The following SGIP1 variants were observed in gnomAD, a reference collection of about 807,000 sequenced individuals.
SGIP1 encodes SH3GL interacting endocytic adaptor 1.
A neutral mutation model predicts 107.5 loss-of-function variants in SGIP1; 38 were observed. That is an observed-to-expected ratio of 0.35 (90% CI 0.27 to 0.46). The LOEUF (loss-of-function observed/expected upper bound fraction) is 0.46, where lower values mean the gene tolerates loss of function less well. SGIP1 is among the 20% of genes least tolerant of loss of function. SGIP1 has a pLI of 1.00. For synonymous variants in SGIP1, 365 were observed against 366.1 expected (o/e 1.00, Z 0.03); for missense variants, 929 against 1,019.5 (o/e 0.91, Z 1.21).
In SGIP1 at chr1:66,748,154, G is replaced by A. The variant is rs563084993; in HGVS notation, c.*5059G>A. 1.3e-5 allele frequency: 2 copies of A among 151,826 alleles called. No individual in the cohort carries two copies. Among genetic ancestry groups the A allele is most frequent in the South Asian group, 4.2e-4 (2 of 4,816 alleles). 9.4% of individuals were successfully genotyped at this position (151,826 alleles called of 1,614,324 possible). ...CTCCTTTAGGCTTTTTTTTCATGTG[G>A]AAAACAGTATCTAAATGCCATTCTC... is the stretch of plus-strand genomic sequence containing the variant. On this transcript the variant is annotated 3_prime_UTR_variant, in exon 25 of 25. Coordinates refer to ENST00000371037, the MANE Select transcript of SGIP1 (RefSeq NM_032291.4).
At chr1:66,655,140 G>A (rs908147850) in intron 7 of SGIP1, among the ~76,000 whole-genome samples, 2 of 152,024 alleles carry the variant, frequency 1.3e-5, no homozygotes, top group Non-Finnish European at 2.9e-5. Context: ...ATAAGTAACA[G>A]CAATAAGCCG....
In SGIP1 at chr1:66,750,660, G is replaced by A. The variant is rs148480608; in HGVS notation, c.*7565G>A. Reference sequence around the variant, plus strand: ...TTGATTCCCAGCCTTTTTCCTACACGTCTATTTCAAAAGAGTATACTTTTT... The same window carrying A: ...TTGATTCCCAGCCTTTTTCCTACACATCTATTTCAAAAGAGTATACTTTTT... On this transcript the variant is annotated 3_prime_UTR_variant, in exon 25 of 25. Transcript: ENST00000371037. Among the ~76,000 whole-genome samples, 371 of 152,180 alleles carry A rather than the reference G, an allele frequency of 2.4e-3. 3 individuals carry two copies. Among genetic ancestry groups the A allele is most frequent in the African/African-American group, 8.7e-3 (362 of 41,536 alleles).
chr1:66,699,949 C>T lies in SGIP1; in HGVS notation c.1630+4456C>T, dbSNP rs568957192. 2.0e-5 allele frequency among the ~76,000 whole-genome samples: 3 copies of T among 152,228 alleles called. No individual in the cohort carries two copies. The South Asian group carries it at 6.2e-4, about 32-fold the overall frequency. On this transcript the variant is annotated intron_variant, in intron 18 of 24. Coordinates refer to ENST00000371037, the MANE Select transcript of SGIP1 (RefSeq NM_032291.4). ...TAAAAATAATAATGAATATGAGTAA[C>T]TAACATCTGAGTATTTACCATGTGT...
At chr1:66,737,714 A>C (rs1238453139) in intron 21 of SGIP1, among the ~76,000 whole-genome samples, 1 of 152,210 alleles carries the variant, frequency 6.6e-6, no homozygotes, top group African/African-American at 2.4e-5. Context: ...ATAGCCTAAT[A>C]TATTCCAAAG....
intron 1 of SGIP1, among the ~76,000 whole-genome samples, chr1:66,570,893 C>T (rs1174205619): frequency 1.3e-5 from 2 of 151,894 alleles, no homozygotes; most frequent in African/African-American, 4.8e-5. Flanking sequence ...TTCATCTCCC[C>T]TATAAGACTG....
intron 1 of SGIP1, among the ~76,000 whole-genome samples, chr1:66,625,248 A>C (rs928291444): frequency 3.9e-5 from 6 of 152,222 alleles, no homozygotes; most frequent in African/African-American, 1.4e-4. Flanking sequence ...ACGTCCACAA[A>C]ATAGAAAAAG....
At position 66,733,765 on chromosome 1, in the gene SGIP1, A is replaced by T. The variant is rs769227081; in HGVS notation, c.1916A>T (p.Asp639Val). The change falls in exon 21 of 25, where the codon GAT becomes GTT. Residue 639 changes from aspartate to valine, a missense_variant. This residue lies in a region of SGIP1 where 341 missense variants were observed against 430.9 expected (regional missense o/e 0.79). Coordinates refer to ENST00000371037, the MANE Select transcript of SGIP1 (RefSeq NM_032291.4). ...ATGAACAGTGATAATACACAAAATGATGCCAATACCAAGGAATTCTGGGTA... is the reference window on the plus strand; with the variant it reads ...ATGAACAGTGATAATACACAAAATGTTGCCAATACCAAGGAATTCTGGGTA... ...QLLCCDNTQN[D>V]ANTKEFWVNM... The T allele has an allele frequency of 4.3e-6, 7 of 1,613,084 alleles. No homozygotes were observed. In the East Asian group the frequency reaches 1.6e-4, roughly 36 times the overall value.
At chr1:66,718,833 GA>G (rs147366527) in intron 18 of SGIP1, among the ~76,000 whole-genome samples, 9 of 150,542 alleles carry the variant, frequency 6.0e-5, no homozygotes, top group East Asian at 1.9e-4. Context: ...AAATAATCCA[GA>G]AAAAAAAAGT....
chr1:66,563,622 A>G (rs2059259788), intron 1 of SGIP1, among the ~76,000 whole-genome samples: 1 of 152,010 alleles, frequency 6.6e-6, no homozygotes, highest in Non-Finnish European at 1.5e-5. Flanking sequence ...AGCAGCTGGG[A>G]AATTCTGAAT....
intron 5 of SGIP1, among the ~76,000 whole-genome samples, chr1:66,642,493 A>T (rs1478185649): frequency 6.6e-6 from 1 of 152,194 alleles, no homozygotes; most frequent in Non-Finnish European, 1.5e-5. Flanking sequence ...CCTGAGGACA[A>T]ATAATCTACA....
At chr1:66,741,501 A>G in intron 24 of SGIP1, 65 bp downstream of exon 24, 1 of 1,415,298 alleles carries the variant, frequency 7.1e-7, no homozygotes, top group Non-Finnish European at 9.3e-7. Context: ...CTTAAGAGGA[A>G]TAGGTTGTGA....
chr1:66,561,992 T>C (rs1218955229), intron 1 of SGIP1, among the ~76,000 whole-genome samples: 1 of 152,050 alleles, frequency 6.6e-6, no homozygotes, highest in East Asian at 1.9e-4. Flanking sequence ...TGATAAAATC[T>C]TGAGTCACAG....
chr1:66,740,021 G>A (rs889119594), intron 22 of SGIP1, among the ~76,000 whole-genome samples: 1 of 152,194 alleles, frequency 6.6e-6, no homozygotes, highest in African/African-American at 2.4e-5. Flanking sequence ...CAAGAAAGCT[G>A]CAGGAGAATG....
In SGIP1 at chr1:66,601,496, GTTAT is replaced by G. The variant is rs142688399; in HGVS notation, c.11-24348_11-24345del. On this transcript the variant is annotated intron_variant, in intron 1 of 24. Transcript: ENST00000371037. ...TTATTTTTGTCAGAGTTGGGGAGGG[GTTAT>G]TTGTTTTTGAGTATGTGCATGTGTG... 9.6e-3 allele frequency among the ~76,000 whole-genome samples: 1,458 copies of G among 152,112 alleles called. 28 individuals carry two copies. Among genetic ancestry groups the G allele is most frequent in the African/African-American group, 0.034 (1,393 of 41,478 alleles).
chr1:66,558,383 G>A (rs1336654054), intron 1 of SGIP1, among the ~76,000 whole-genome samples: 2 of 151,890 alleles, frequency 1.3e-5, no homozygotes, highest in East Asian at 3.9e-4. Context: ...CACAGATTTT[G>A]TAGCCAGTCC....
chr1:66,638,225 A>G (rs749094935), intron 4 of SGIP1, among the ~76,000 whole-genome samples: 1 of 152,200 alleles, frequency 6.6e-6, no homozygotes, highest in Non-Finnish European at 1.5e-5. Flanking sequence ...TAAATATGAT[A>G]AAGAGAAAAT....
At chr1:66,721,539 G>T (rs1278538008) in intron 19 of SGIP1, among the ~76,000 whole-genome samples, 2 of 152,248 alleles carry the variant, frequency 1.3e-5, no homozygotes. Context: ...CTCCCGAGTA[G>T]CTGGGACTAC....
At chr1:66,557,983 C>T (rs184807227) in intron 1 of SGIP1, among the ~76,000 whole-genome samples, 63 of 152,144 alleles carry the variant, frequency 4.1e-4, no homozygotes, top group Admixed American at 2.8e-3. Context: ...ATGAGCTCTG[C>T]GAGGATGGGG....
At chr1:66,562,772 T>C (rs2059135860) in intron 1 of SGIP1, among the ~76,000 whole-genome samples, 1 of 151,980 alleles carries the variant, frequency 6.6e-6, no homozygotes, top group South Asian at 2.1e-4. Flanking sequence ...ATTTTAAGTA[T>C]TTAGGAATTG....
Sources: gnomAD v4.1 joint callset for allele counts (sites outside exome capture counted in the v4.1 genomes callset) on GRCh38, gnomAD v4.1.1 for gene constraint, gnomAD v4.1.1 regional missense constraint, MANE v1.5 for transcripts, NCBI Gene and HGNC (gene_info 2026-07-23, HGNC 2026-07-21) for gene names.